The following ST8SIA2 variants were observed in gnomAD, a reference collection of about 807,000 sequenced individuals.
The protein encoded by ST8SIA2 is alpha-2,8-sialyltransferase 8B.
ST8SIA2 carries 22 observed loss-of-function variants against 37.6 expected under a neutral mutation model. The ratio of observed to expected loss-of-function variants is 0.58; its 90% CI spans 0.42 to 0.83. The LOEUF is 0.83. Ranked by LOEUF, ST8SIA2 falls within the 40% of genes least tolerant of loss-of-function variation. The pLI is 0.00. For synonymous variants in ST8SIA2, 205 were observed against 201.2 expected, an observed-to-expected ratio of 1.02 and a Z score of -0.16; for missense variants, 382 against 484.7, an observed-to-expected ratio of 0.79 and a Z score of 1.99.
At chr15:92,425,812 A>T (rs2049671170) in intron 1 of ST8SIA2, among the ~76,000 whole-genome samples, 1 of 152,138 alleles carries the variant, frequency 6.6e-6, no homozygotes, top group Non-Finnish European at 1.5e-5. Flanking sequence ...GTAGGGGAAT[A>T]CCTGGCCCTA....
rs1406706479 is a variant in ST8SIA2 at position 92,464,535 on chromosome 15, T to C, written c.*150T>C. ...ACAGTGACCAGAATATATATATCTATACCTGCATATATATATTGACCTGAG... is the reference window on the plus strand; with the variant it reads ...ACAGTGACCAGAATATATATATCTACACCTGCATATATATATTGACCTGAG... On this transcript the variant is annotated 3_prime_UTR_variant, in exon 6 of 6. Transcript: ENST00000268164. The C allele has an allele frequency of 5.2e-6, 4 of 764,568 alleles. No homozygotes were observed. Among genetic ancestry groups the C allele is most frequent in the African/African-American group, 1.7e-5 (1 of 57,688 alleles). The allele number at this position is 764,568 out of a possible 1,614,324, so 47.4% of individuals were successfully genotyped here.
At chr15:92,414,506 C>T (rs1309354609) in intron 1 of ST8SIA2, among the ~76,000 whole-genome samples, 2 of 152,238 alleles carry the variant, frequency 1.3e-5, no homozygotes, top group Non-Finnish European at 2.9e-5. Context: ...CAAATCCCGC[C>T]TAGAGCTCCC....
intron 1 of ST8SIA2, among the ~76,000 whole-genome samples, chr15:92,403,210 C>T (rs538308453): frequency 6.6e-6 from 1 of 152,278 alleles, no homozygotes; most frequent in South Asian, 2.1e-4. Context: ...TCGGGACTTG[C>T]TAAGGTCACA....
chr15:92,448,784 G>T (rs2049861075), intron 5 of ST8SIA2, among the ~76,000 whole-genome samples: 2 of 152,118 alleles, frequency 1.3e-5, no homozygotes, highest in Non-Finnish European at 1.5e-5. Flanking sequence ...TTTAAGACAG[G>T]ACTCTGTAGT....
intron 1 of ST8SIA2, among the ~76,000 whole-genome samples, chr15:92,398,760 G>A (rs181027325): frequency 2.6e-5 from 4 of 152,324 alleles, no homozygotes; most frequent in East Asian, 1.9e-4. Context: ...GTGGAAGGCC[G>A]AAACCCATGC....
intron 5 of ST8SIA2, among the ~76,000 whole-genome samples, chr15:92,457,247 C>A (rs998838973): frequency 1.3e-5 from 2 of 152,224 alleles, no homozygotes; most frequent in African/African-American, 4.8e-5. Flanking sequence ...CTTTATCCCA[C>A]AGTGCTTTTA....
intron 5 of ST8SIA2, among the ~76,000 whole-genome samples, chr15:92,463,131 T>A (rs2049968486): frequency 6.6e-6 from 1 of 152,206 alleles, no homozygotes; most frequent in South Asian, 2.1e-4. Flanking sequence ...AGGTCTTGAG[T>A]TACTTCCCCC....
At chr15:92,426,836 C>A (rs1221075441) in intron 1 of ST8SIA2, among the ~76,000 whole-genome samples, 2 of 152,100 alleles carry the variant, frequency 1.3e-5, no homozygotes, top group African/African-American at 4.8e-5. Context: ...CGCTTGTAAT[C>A]CCAGCACTTT....
intron 1 of ST8SIA2, among the ~76,000 whole-genome samples, chr15:92,406,861 G>T (rs183551745): frequency 1.3e-5 from 2 of 152,046 alleles, no homozygotes; most frequent in African/African-American, 4.8e-5. Context: ...GGGCGTGGTG[G>T]TGTGCGCCTG....
chr15:92,418,877 G>T (rs1007941533), intron 1 of ST8SIA2, among the ~76,000 whole-genome samples: 1 of 152,172 alleles, frequency 6.6e-6, no homozygotes, highest in Non-Finnish European at 1.5e-5. Context: ...GTAAAGTGTT[G>T]TGAGGGGATG....
At chr15:92,461,373 AG>A in intron 5 of ST8SIA2, among the ~76,000 whole-genome samples, 1 of 152,326 alleles carries the variant, frequency 6.6e-6, no homozygotes, top group East Asian at 1.9e-4. Context: ...TCTTCTGGGA[AG>A]CATCCTTTCC....
At chr15:92,446,079 T>C (rs1429055928) in intron 5 of ST8SIA2, among the ~76,000 whole-genome samples, 5 of 152,248 alleles carry the variant, frequency 3.3e-5, no homozygotes, top group Non-Finnish European at 7.3e-5. Flanking sequence ...ACATCCATTT[T>C]ATATTGTTTA....
At chr15:92,413,709 G>A (rs1159810656) in intron 1 of ST8SIA2, among the ~76,000 whole-genome samples, 2 of 152,222 alleles carry the variant, frequency 1.3e-5, no homozygotes, top group Non-Finnish European at 2.9e-5. Context: ...AGGCCCCTGC[G>A]GTCATGTGGA....
Position 92,464,663 on chromosome 15 carries a change from G to A in ST8SIA2, c.*278G>A, listed in dbSNP as rs142364311. ...CAGATTGAGACTCAATCCATCTTTG[G>A]GGGTGGAAGGACTTGACATGAAAAG... On this transcript the variant is annotated 3_prime_UTR_variant, in exon 6 of 6. Transcript: ENST00000268164. 822 of 469,508 alleles carry A rather than the reference G, an allele frequency of 1.8e-3. 5 individuals are homozygous for A. Among genetic ancestry groups the A allele is most frequent in the African/African-American group, 0.014 (717 of 51,066 alleles). The allele number at this position is 469,508 out of a possible 1,614,324, so 29.1% of individuals were successfully genotyped here. A position where few individuals can be genotyped will look rare whatever the true frequency, so the allele number is the denominator to read the frequency against.
intron 1 of ST8SIA2, among the ~76,000 whole-genome samples, chr15:92,412,739 C>T (rs1216164705): frequency 6.6e-6 from 1 of 152,194 alleles, no homozygotes; most frequent in Non-Finnish European, 1.5e-5. Context: ...CTCACTGCAA[C>T]CACTGCCTCC....
chr15:92,406,861 G>A (rs183551745), intron 1 of ST8SIA2, among the ~76,000 whole-genome samples: 2 of 152,162 alleles, frequency 1.3e-5, no homozygotes, highest in Admixed American at 1.3e-4. Context: ...GGGCGTGGTG[G>A]TGTGCGCCTG....
intron 5 of ST8SIA2, 24 bp from the exon 6 acceptor site, chr15:92,464,076 T>TC (rs1000645068): frequency 7.2e-6 from 10 of 1,397,288 alleles, no homozygotes; most frequent in Non-Finnish European, 9.4e-6. Context: ...TCTTTTCTTT[T>TC]TTTTTTTTTT....
rs2049983218 is a variant in ST8SIA2 at position 92,465,122 on chromosome 15, A to G, written c.*737A>G. ...CTTTGGGTGAAGCAAGCAGATGACA[A>G]TGAAGAGGAGTAATGTTCCGAATCA... is the stretch of plus-strand genomic sequence containing the variant. On this transcript the variant is annotated 3_prime_UTR_variant, in exon 6 of 6. Coordinates refer to ENST00000268164, the MANE Select transcript of ST8SIA2 (RefSeq NM_006011.4). 1 of 152,604 alleles carries G rather than the reference A, an allele frequency of 6.6e-6. No individual in the cohort carries two copies. The highest frequency in any genetic ancestry group is 2.4e-5 in the African/African-American group (1 of 41,410). The allele number at this position is 152,604 out of a possible 1,614,324, so 9.5% of individuals were successfully genotyped here.
At chr15:92,464,028 T>G in intron 5 of ST8SIA2, 72 bp from the exon 6 acceptor site, 1 of 1,508,004 alleles carries the variant, frequency 6.6e-7, no homozygotes, top group Non-Finnish European at 8.8e-7. Flanking sequence ...GGATAAAATT[T>G]TTGTCTTCCT....
Sources: allele counts gnomAD v4.1 joint callset (sites outside exome capture counted in the v4.1 genomes callset), GRCh38; gene constraint gnomAD v4.1.1; transcripts MANE v1.5; gene names NCBI Gene and HGNC (gene_info 2026-07-23, HGNC 2026-07-21).